Variants in CDCP1 observed in about 807,000 individuals in gnomAD.
CDCP1 encodes the protein CUB domain containing protein 1.
CDCP1 carries 29 observed loss-of-function variants against 60.2 expected under a neutral mutation model. The observed-to-expected ratio is 0.48, with a 90% CI of 0.36 to 0.66. CDCP1 has a LOEUF of 0.66. CDCP1 is among the 30% of genes least tolerant of loss of function. The pLI is 0.00. For synonymous variants in CDCP1, 387 were observed against 431.1 expected, an observed-to-expected ratio of 0.90 and a Z score of 1.27; for missense variants, 876 against 1,074.3, an observed-to-expected ratio of 0.82 and a Z score of 2.58.
upstream of CDCP1, chr3:45,146,470 C>T: frequency 1.2e-5 from 6 of 499,276 alleles, no homozygotes; most frequent in South Asian, 6.8e-5. Context: ...CCTCTCTCTC[C>T]TCCTCCTCTT....
chr3:45,127,769 G>C (rs1699028358), intron 1 of CDCP1, among the ~76,000 whole-genome samples: 1 of 152,260 alleles, frequency 6.6e-6, no homozygotes, highest in South Asian at 2.1e-4. Flanking sequence ...CTGGTTTCAG[G>C]AAAGAGCCTG....
At chr3:45,121,281 T>C (rs1023764874) in intron 1 of CDCP1, among the ~76,000 whole-genome samples, 3 of 152,208 alleles carry the variant, frequency 2.0e-5, no homozygotes, top group African/African-American at 4.8e-5. Context: ...AGTGTGGCCA[T>C]TTAGAATCTT....
At chr3:45,141,839 C>CT (rs34668535) in intron 1 of CDCP1, among the ~76,000 whole-genome samples, 15 of 148,568 alleles carry the variant, frequency 1.0e-4, no homozygotes, top group Admixed American at 1.3e-4. Context: ...ATAAACTTTT[C>CT]TTTTTTTTTT....
At chr3:45,086,575 C>A (rs1039989224) in intron 8 of CDCP1, among the ~76,000 whole-genome samples, 1 of 152,208 alleles carries the variant, frequency 6.6e-6, no homozygotes, top group Non-Finnish European at 1.5e-5. Flanking sequence ...ACAAGAGACT[C>A]AGGAGGCCAG....
At chr3:45,116,003 C>T (rs1698783803) in intron 2 of CDCP1, among the ~76,000 whole-genome samples, 1 of 152,068 alleles carries the variant, frequency 6.6e-6, no homozygotes, top group Non-Finnish European at 1.5e-5. Flanking sequence ...TTAAGATAAT[C>T]TCTATATATT....
chr3:45,106,355 T>C (rs1436487029), intron 4 of CDCP1, among the ~76,000 whole-genome samples: 3 of 152,222 alleles, frequency 2.0e-5, no homozygotes, highest in Non-Finnish European at 4.4e-5. Flanking sequence ...CTCCAGGCTC[T>C]GCCTTTGCTC....
At chr3:45,144,773 TTTCAC>T (rs1699351656) in intron 1 of CDCP1, among the ~76,000 whole-genome samples, 1 of 152,202 alleles carries the variant, frequency 6.6e-6, no homozygotes, top group South Asian at 2.1e-4. Context: ...ATACACATAT[TTTCAC>T]TTCCTTTTTA....
intron 4 of CDCP1, 71 bp downstream of exon 4, chr3:45,110,402 C>T (rs1241684628): frequency 1.3e-6 from 2 of 1,563,378 alleles, no homozygotes; most frequent in African/African-American, 1.4e-5. Context: ...GGGAGCCTCA[C>T]CCAGGCAGAC....
intron 1 of CDCP1, among the ~76,000 whole-genome samples, chr3:45,127,098 G>C (rs1443886435): frequency 6.6e-6 from 1 of 152,206 alleles, no homozygotes; most frequent in Non-Finnish European, 1.5e-5. Flanking sequence ...TTTCCAAGCT[G>C]CTGGCTTTCT....
rs9874077 is a variant in CDCP1 at position 45,086,023 on chromosome 3, T to C, written c.2126A>G (p.Asp709Gly). 1,593,460 of 1,614,120 alleles carry C rather than the reference T, an allele frequency of 0.99. 788,408 individuals carry two copies. The highest frequency in any genetic ancestry group is 1 in the East Asian group (44,888 of 44,888). ...CCTCGGCATCTCAGTATTGATGTTG[T>C]CATTGTAGATACCCACAGCGGGGCC... ...NKGPAVGIYN[D>G]NINTEMPRQP... The change falls in exon 9 of 9, where the codon GAC becomes GGC. Residue 709 changes from aspartate to glycine, a missense_variant. Transcript: ENST00000296129.
chr3:45,087,303 G>A (rs973435806), intron 8 of CDCP1, among the ~76,000 whole-genome samples: 5 of 152,142 alleles, frequency 3.3e-5, no homozygotes, highest in African/African-American at 1.2e-4. Context: ...GCTTGGGCAC[G>A]GACAGGCCTT....
chr3:45,138,395 G>A (rs1025664363), intron 1 of CDCP1, among the ~76,000 whole-genome samples: 1 of 152,074 alleles, frequency 6.6e-6, no homozygotes, highest in Non-Finnish European at 1.5e-5. Flanking sequence ...CTAGAGACCT[G>A]GTTATACAGA....
In CDCP1 at chr3:45,091,356, C is replaced by T. The variant is rs762706915; in HGVS notation, c.1810G>A (p.Ala604Thr). Residue 604 changes from alanine (A) to threonine (T), a missense_variant, in exon 7 of 9, where the codon GCA becomes ACA. By Grantham distance (58) the Ala-to-Thr change is moderately conservative. Coordinates refer to ENST00000296129, the MANE Select transcript of CDCP1 (RefSeq NM_022842.5). This position sits in a 1 kb window ranked among gnomAD's most constrained non-coding sequence, Gnocchi z 4.8. ...RSGVVCQTGR[A>T]FMIIQEQRTR... is the part of the protein sequence containing the mutation. ...CGCTGCTCCTGGATGATCATGAATG[C>T]GCGCCCTGTCTGGCAGACCACGCCG... The T allele has an allele frequency of 1.9e-5, 31 of 1,614,008 alleles. No individual in the cohort carries two copies. Among genetic ancestry groups the T allele is most frequent in the African/African-American group, 6.7e-5 (5 of 74,892 alleles).
At chr3:45,146,171 C>T in intron 1 of CDCP1, 35 bp downstream of exon 1, 1 of 1,555,786 alleles carries the variant, frequency 6.4e-7, no homozygotes, top group East Asian at 2.5e-5. Flanking sequence ...TAGCTCACCA[C>T]TCCACGCCAT....
rs201630457 is a variant in CDCP1 at position 45,110,806 on chromosome 3, C to T, written c.691G>A (p.Gly231Ser). ...CIIESVFEGE[G>S]SATLMSANYP... ...TTGGCAGACATCAGGGTTGCTGAGC[C>T]TTCACCCTCAAACACAGACTCGATG... The change falls in exon 4 of 9, where the codon GGC (glycine) becomes AGC (serine). Residue 231 changes from glycine (G) to serine (S), a missense_variant. Gly to Ser is a moderately conservative substitution (Grantham distance 56). Transcript: ENST00000296129. 8 of 1,613,942 alleles carry T rather than the reference C, an allele frequency of 5.0e-6. No individual in the cohort carries two copies. The East Asian group carries it at 6.7e-5, about 13-fold the overall frequency.
chr3:45,125,872 C>T (rs924584756), intron 1 of CDCP1, among the ~76,000 whole-genome samples: 6 of 152,224 alleles, frequency 3.9e-5, no homozygotes, highest in Non-Finnish European at 4.4e-5. Context: ...TATTAATAGG[C>T]CCTTCTACAT....
chr3:45,141,986 C>G (rs1183846425), intron 1 of CDCP1, among the ~76,000 whole-genome samples: 2 of 152,048 alleles, frequency 1.3e-5, no homozygotes, highest in Non-Finnish European at 2.9e-5. Context: ...TGTGTACCAC[C>G]ATGTTTGGCT....
Position 45,085,844 on chromosome 3 carries a change from T to C in CDCP1, c.2305A>G (p.Met769Val), listed in dbSNP as rs1175003868. The change falls in exon 9 of 9, where the codon ATG becomes GTG. Residue 769 changes from methionine (M) to valine (V), a missense_variant. Coordinates refer to ENST00000296129, the MANE Select transcript of CDCP1 (RefSeq NM_022842.5). This position sits in a 1 kb window ranked among gnomAD's most constrained non-coding sequence, Gnocchi z 4.2. ...GGTGGGGAGGGAGGACAGACCCCCATGGTGCCCTGGAACGGCCGGTAGGTG... is the reference window on the plus strand; with the variant it reads ...GGTGGGGAGGGAGGACAGACCCCCACGGTGCCCTGGAACGGCCGGTAGGTG... The part of the protein sequence containing the change: ...VDTYRPFQGT[M>V]GVCPPSPPTI... The C allele has an allele frequency of 1.4e-5, 23 of 1,614,028 alleles. No homozygotes were observed. In the Admixed American group the frequency reaches 3.3e-4, roughly 23 times the overall value.
At position 45,110,518 on chromosome 3, in the gene CDCP1, G is replaced by T. The variant is rs772240910; in HGVS notation, c.979C>A (p.Arg327=). 3 of 1,614,206 alleles carry T rather than the reference G, an allele frequency of 1.9e-6. No individual in the cohort carries two copies. Among genetic ancestry groups the T allele is most frequent in the Non-Finnish European group, 2.5e-6 (3 of 1,180,032 alleles). The change falls in exon 4 of 9, where the codon CGG becomes AGG. Residue 327 remains arginine, a synonymous_variant. Transcript: ENST00000296129. ...DQDAQSPGIL[R]LQFQVLVQHP... ...TGGACCAAAACTTGGAACTGCAGCC[G>T]GAGGATCCCTGGACTTTGGGCATCT...
Sources: allele counts gnomAD v4.1 joint callset (sites outside exome capture counted in the v4.1 genomes callset), GRCh38; gene constraint gnomAD v4.1.1; non-coding constraint Gnocchi (gnomAD v3.1); transcripts MANE v1.5; gene names NCBI Gene and HGNC (gene_info 2026-07-23, HGNC 2026-07-21).